The following SH3GL3 variants were observed in gnomAD, a reference collection of about 807,000 sequenced individuals.
The protein encoded by SH3GL3 is SH3 domain containing GRB2 like 3, endophilin A3, also known as endophilin-A3.
SH3GL3 carries 33 observed loss-of-function variants against 47.7 expected under a neutral mutation model. The ratio of observed to expected loss-of-function variants is 0.69; its 90% CI spans 0.52 to 0.92. SH3GL3 has a LOEUF of 0.92. Among genes scored for constraint, SH3GL3 ranks in the 40% least tolerant of loss-of-function variants. The pLI is 0.00. For synonymous variants in SH3GL3, 155 were observed against 148.8 expected (o/e 1.04, Z -0.30); for missense variants, 363 against 417.8 (o/e 0.87, Z 1.14).
At chr15:83,607,035 A>G (rs1367988566) in intron 8 of SH3GL3, among the ~76,000 whole-genome samples, 1 of 152,196 alleles carries the variant, frequency 6.6e-6, no homozygotes, top group Admixed American at 6.5e-5. Flanking sequence ...AGATTTAGAG[A>G]GGGAAGTTTT....
chr15:83,541,844 T>C (rs1409373318), intron 1 of SH3GL3, among the ~76,000 whole-genome samples: 1 of 152,214 alleles, frequency 6.6e-6, no homozygotes, highest in Non-Finnish European at 1.5e-5. Context: ...TTATTTGACC[T>C]CCTTTTATTC....
chr15:83,546,141 G>C (rs370406063), intron 1 of SH3GL3, among the ~76,000 whole-genome samples: 3 of 152,248 alleles, frequency 2.0e-5, no homozygotes, highest in South Asian at 4.1e-4. Context: ...TCTGGCCCAG[G>C]GTGGATCTAG....
At chr15:83,508,465 G>A (rs527512779) in intron 1 of SH3GL3, among the ~76,000 whole-genome samples, 1 of 152,240 alleles carries the variant, frequency 6.6e-6, no homozygotes, top group Admixed American at 6.5e-5. Flanking sequence ...GGTTGGTTAG[G>A]GAGGGATAGA....
At chr15:83,588,906 C>G (rs2151808116) in intron 8 of SH3GL3, 135 bp downstream of exon 8, 2 of 617,802 alleles carry the variant, frequency 3.2e-6, no homozygotes, top group South Asian at 1.9e-5. Context: ...GGTAAATTCC[C>G]TTTTCCCCTA....
chr15:83,489,837 C>CGATA (rs60233650), intron 1 of SH3GL3, among the ~76,000 whole-genome samples: 19,280 of 144,582 alleles, frequency 0.13, 1,274 homozygotes, highest in Non-Finnish European at 0.14. Context: ...TGTCAGAAGC[C>CGATA]GATAGATAGA....
chr15:83,585,457 T>C (rs2059930476), intron 6 of SH3GL3, among the ~76,000 whole-genome samples: 1 of 152,164 alleles, frequency 6.6e-6, no homozygotes, highest in Admixed American at 6.5e-5. Context: ...AAGTGGGTAA[T>C]AAGACAGGGC....
At position 83,566,365 on chromosome 15, in the gene SH3GL3, A is replaced by AGTGT. The variant is rs57323112; in HGVS notation, c.187+1198_187+1201dup. 7.4e-3 allele frequency among the ~76,000 whole-genome samples: 1,016 copies of AGTGT among 136,662 alleles called. 8 individuals carry two copies. Among genetic ancestry groups the AGTGT allele is most frequent in the South Asian group, 0.034 (131 of 3,826 alleles). The allele number at this position is 136,662 out of a possible 152,430, so 89.7% of individuals were successfully genotyped here. ...GATGGGCAGAGAGAGAGAGAGAGAG[A>AGTGT]GTGTGTGTGTGTGTGTGTGTGTGTG... On this transcript the variant is annotated intron_variant, in intron 3 of 8. Transcript: ENST00000427482.
chr15:83,582,000 T>G (rs890257309), intron 6 of SH3GL3, among the ~76,000 whole-genome samples: 2 of 152,224 alleles, frequency 1.3e-5, no homozygotes, highest in African/African-American at 4.8e-5. Flanking sequence ...CAGGCCAAGT[T>G]GGGCTTGGCA....
intron 1 of SH3GL3, among the ~76,000 whole-genome samples, chr15:83,450,804 A>ATTT (rs34099509): frequency 6.0e-4 from 35 of 58,756 alleles, no homozygotes; most frequent in Admixed American, 1.3e-3. Context: ...TTTTTTTTTA[A>ATTT]TTTTTTTTTT....
At chr15:83,500,728 A>G (rs1178499491) in intron 1 of SH3GL3, among the ~76,000 whole-genome samples, 1 of 152,216 alleles carries the variant, frequency 6.6e-6, no homozygotes, top group Non-Finnish European at 1.5e-5. Flanking sequence ...TTCTTCTTGC[A>G]GCTCTTTGTG....
intron 1 of SH3GL3, among the ~76,000 whole-genome samples, chr15:83,501,149 C>T (rs2042277952): frequency 6.6e-6 from 1 of 152,144 alleles, no homozygotes; most frequent in African/African-American, 2.4e-5. Flanking sequence ...AGCAAGAACT[C>T]TGCAATTCTT....
At chr15:83,460,097 GCTTCCTTCCTTCCTTC>G (rs1240933504) in intron 1 of SH3GL3, among the ~76,000 whole-genome samples, 10 of 110,448 alleles carry the variant, frequency 9.1e-5, no homozygotes, top group Admixed American at 2.1e-4. Flanking sequence ...TTCCTTCCTT[GCTTCCTTCCTTCCTTC>G]CTTCCTTGAC....
At chr15:83,578,188 C>G (rs1896800) in intron 6 of SH3GL3, among the ~76,000 whole-genome samples, 47,673 of 152,062 alleles carry the variant, frequency 0.31, 9,088 homozygotes, top group Non-Finnish European at 0.43. Context: ...AGGCAACACG[C>G]AGCTGGGGGT....
intron 6 of SH3GL3, among the ~76,000 whole-genome samples, chr15:83,578,003 T>G (rs1031064708): frequency 1.3e-5 from 2 of 152,180 alleles, no homozygotes; most frequent in African/African-American, 4.8e-5. Flanking sequence ...ATGACCCAAA[T>G]TTTTCAGCTG....
chr15:83,552,590 A>G (rs574089006), intron 1 of SH3GL3, among the ~76,000 whole-genome samples: 78 of 152,310 alleles, frequency 5.1e-4, no homozygotes, highest in African/African-American at 1.8e-3. Flanking sequence ...ACTACTTATA[A>G]TATTTTGCAG....
At position 83,448,524 on chromosome 15, in the gene SH3GL3, T is replaced by G. The variant is rs969454302; in HGVS notation, c.45+946T>G. 6.6e-6 allele frequency among the ~76,000 whole-genome samples: 1 copy of G among 151,422 alleles called. No homozygotes were observed. The highest frequency in any genetic ancestry group is 1.5e-5 in the Non-Finnish European group (1 of 67,928). Reference sequence around the variant, plus strand: ...GTTTTTCAACATCAACATTGCAGGCTCTTCCAGCTATGGCAGAGCTCACGT... The same window carrying G: ...GTTTTTCAACATCAACATTGCAGGCGCTTCCAGCTATGGCAGAGCTCACGT... On this transcript the variant is annotated intron_variant, in intron 1 of 8. Coordinates refer to ENST00000427482, the MANE Select transcript of SH3GL3 (RefSeq NM_003027.5). The surrounding 1 kb of genome is among the most constrained non-coding windows in gnomAD (Gnocchi z 4.2).
At chr15:83,610,975 C>CAAAAA (rs200699726) in intron 8 of SH3GL3, among the ~76,000 whole-genome samples, 2 of 113,148 alleles carry the variant, frequency 1.8e-5, no homozygotes, top group South Asian at 2.8e-4. Flanking sequence ...GGACTTCAGC[C>CAAAAA]AAAAAATATA....
intron 6 of SH3GL3, among the ~76,000 whole-genome samples, chr15:83,585,266 A>C (rs1271741074): frequency 6.6e-6 from 1 of 152,182 alleles, no homozygotes; most frequent in East Asian, 1.9e-4. Context: ...TCAGCCACCC[A>C]ATGAGCAGTT....
chr15:83,532,755 A>G (rs995652883), intron 1 of SH3GL3, among the ~76,000 whole-genome samples: 3 of 152,234 alleles, frequency 2.0e-5, no homozygotes, highest in African/African-American at 7.2e-5. Flanking sequence ...AATGATCATC[A>G]GGGTCTTCTT....
Sources: gnomAD v4.1 joint callset for allele counts (sites outside exome capture counted in the v4.1 genomes callset) on GRCh38, gnomAD v4.1.1 for gene constraint, Gnocchi (gnomAD v3.1) non-coding constraint, MANE v1.5 for transcripts, NCBI Gene and HGNC (gene_info 2026-07-23, HGNC 2026-07-21) for gene names.